TFG: variants seen among roughly 807,000 people sequenced by gnomAD.
TFG encodes protein TFG.
TFG carries 22 observed loss-of-function variants against 51.4 expected under a neutral mutation model. That is an observed-to-expected ratio of 0.43 (90% CI 0.31 to 0.61). The LOEUF (loss-of-function observed/expected upper bound fraction) is 0.61, where lower values mean the gene tolerates loss of function less well. Ranked by LOEUF, TFG falls within the 20% of genes least tolerant of loss-of-function variation. The probability of loss-of-function intolerance (pLI) is 0.12; values close to 1 mark genes in which losing one functional copy is unlikely to be tolerated. For synonymous variants in TFG, 187 were observed against 165.6 expected, an observed-to-expected ratio of 1.13 and a Z score of -0.99; for missense variants, 419 against 487.7, an observed-to-expected ratio of 0.86 and a Z score of 1.33.
rs200195571 is a variant in TFG, at chr3:100,713,847, A to C, written c.162A>C (p.Val54=). ...GAAAACTTCTGAGTAATGATGAAGTAACAATAAAGTATAAAGATGAAGGTA... is the reference window on the plus strand; with the variant it reads ...GAAAACTTCTGAGTAATGATGAAGTCACAATAAAGTATAAAGATGAAGGTA... ...FRGKLLSNDE[V]TIKYKDEDGD... The change falls in exon 2 of 8, where the codon GTA becomes GTC. Residue 54 remains valine, a synonymous_variant. Coordinates refer to ENST00000240851, the MANE Select transcript of TFG (RefSeq NM_006070.6). 16 of 1,567,300 alleles carry C rather than the reference A, an allele frequency of 1.0e-5. No homozygotes were observed. The East Asian group carries it at 3.6e-4, about 36-fold the overall frequency.
intron 2 of TFG, among the ~76,000 whole-genome samples, chr3:100,716,567 C>T (rs895129140): frequency 7.2e-5 from 11 of 152,120 alleles, no homozygotes; most frequent in African/African-American, 2.2e-4. Context: ...GTAGTGGCAT[C>T]GCTGAATTGT....
chr3:100,726,691 T>C (rs895301675), intron 3 of TFG, among the ~76,000 whole-genome samples: 1 of 152,100 alleles, frequency 6.6e-6, no homozygotes, highest in African/African-American at 2.4e-5. Flanking sequence ...TTGAATGAAG[T>C]TGGGTTTACT....
chr3:100,733,965 T>C lies in TFG; in HGVS notation c.580+1293T>C, dbSNP rs944511811. Among the ~76,000 whole-genome samples the C allele has an allele frequency of 8.5e-5, 13 of 152,294 alleles. No homozygotes were observed. The East Asian group carries it at 2.5e-3, about 29-fold the overall frequency. Reference sequence around the variant, plus strand: ...ATATATAATTGTTTTGAAATAATTATTGTTGGCTACAAAGATCATTAGCAA... The same window carrying C: ...ATATATAATTGTTTTGAAATAATTACTGTTGGCTACAAAGATCATTAGCAA... On this transcript the variant is annotated intron_variant, in intron 5 of 7. Transcript: ENST00000240851.
At position 100,713,827 on chromosome 3, in the gene TFG, C is replaced by A. The variant is rs762247551; in HGVS notation, c.142C>A (p.Leu48Ile). Residue 48 changes from leucine (L) to isoleucine (I), a missense_variant, in exon 2 of 8, where the codon CTT becomes ATT. Leu to Ile is a conservative substitution (Grantham distance 5). Transcript: ENST00000240851. Reference sequence around the variant, plus strand: ...GATGCAACGAGTTTTCAGAGGAAAACTTCTGAGTAATGATGAAGTAACAAT... The same window carrying A: ...GATGCAACGAGTTTTCAGAGGAAAAATTCTGAGTAATGATGAAGTAACAAT... Reference protein sequence around the residue: ...LMMQRVFRGKLLSNDEVTIKY... With the variant: ...LMMQRVFRGKILSNDEVTIKY... 6 of 1,576,760 alleles carry A rather than the reference C, an allele frequency of 3.8e-6. No individual in the cohort carries two copies. The highest frequency in any genetic ancestry group is 2.3e-5 in the East Asian group (1 of 43,908).
Position 100,722,769 on chromosome 3 carries a change from C to A in TFG, c.268+2711C>A, listed in dbSNP as rs528484969. On this transcript the variant is annotated intron_variant, in intron 3 of 7. Coordinates refer to ENST00000240851, the MANE Select transcript of TFG (RefSeq NM_006070.6). The stretch of plus-strand genomic sequence containing the variant: ...ATAACTAGAAAAGTAGCATCCTATA[C>A]TCCACTAAATTTCACGAATGAGGAG... Among the ~76,000 whole-genome samples, 94 of 152,304 alleles carry A rather than the reference C, an allele frequency of 6.2e-4. 1 individual carries two copies. The highest frequency in any genetic ancestry group is 2.1e-3 in the African/African-American group (88 of 41,560).
In TFG at chr3:100,748,256, C is replaced by A; in HGVS notation, c.928C>A (p.Gln310Lys). Residue 310 changes from glutamine to lysine, a missense_variant, in exon 8 of 8, where the codon CAA becomes AAA. Gln to Lys is a moderately conservative substitution (Grantham distance 53). This residue lies in a region of TFG where 391 missense variants were observed against 434.4 expected (regional missense o/e 0.90). Transcript: ENST00000240851. ...PAPAFSGQPQ[Q>K]LPAQPPQQYQ... ...TCCTGCCTTTTCTGGTCAGCCTCAA[C>A]AACTGCCTGCTCAGCCGCCACAGCA... is the stretch of plus-strand genomic sequence containing the variant. The A allele has an allele frequency of 6.2e-7, 1 of 1,614,142 alleles. No homozygotes were observed.
In TFG at chr3:100,748,542, C is replaced by G. The variant is rs1451476575; in HGVS notation, c.*11C>G. On this transcript the variant is annotated 3_prime_UTR_variant, in exon 8 of 8. Coordinates refer to ENST00000240851, the MANE Select transcript of TFG (RefSeq NM_006070.6). ...CCTGGTTATCGATAAGGAGGCTCCT[C>G]TACACCAATTAATGTAGCTGCTAGC... 1.3e-6 allele frequency: 2 copies of G among 1,595,004 alleles called. No individual in the cohort carries two copies. Among genetic ancestry groups the G allele is most frequent in the Non-Finnish European group, 1.7e-6 (2 of 1,167,778 alleles).
At chr3:100,736,238 A>T (rs2095105802) in intron 5 of TFG, among the ~76,000 whole-genome samples, 1 of 152,128 alleles carries the variant, frequency 6.6e-6, no homozygotes. Flanking sequence ...CCCCTTGAAG[A>T]ATGAAGTGAC....
chr3:100,716,273 T>C (rs2095046221), intron 2 of TFG, among the ~76,000 whole-genome samples: 1 of 152,214 alleles, frequency 6.6e-6, no homozygotes, highest in Non-Finnish European at 1.5e-5. Context: ...TTGTATAAGA[T>C]CAACTTTTTT....
At chr3:100,731,521 C>T (rs1460410067) in intron 4 of TFG, among the ~76,000 whole-genome samples, 1 of 152,038 alleles carries the variant, frequency 6.6e-6, no homozygotes, top group Non-Finnish European at 1.5e-5. Flanking sequence ...TATAATGAAT[C>T]CCAGAAACCC....
chr3:100,721,950 C>T (rs1050553165), intron 3 of TFG, among the ~76,000 whole-genome samples: 10 of 152,150 alleles, frequency 6.6e-5, no homozygotes, highest in African/African-American at 2.4e-5. Flanking sequence ...CAGGAGTTCG[C>T]GACCAGCCTG....
At chr3:100,726,258 C>T (rs1033820485) in intron 3 of TFG, among the ~76,000 whole-genome samples, 2 of 152,170 alleles carry the variant, frequency 1.3e-5, no homozygotes, top group African/African-American at 2.4e-5. Context: ...GGAGGGAGAG[C>T]GAGCTAAAGA....
intron 3 of TFG, among the ~76,000 whole-genome samples, chr3:100,721,197 A>T (rs1346879228): frequency 3.3e-5 from 5 of 152,226 alleles, no homozygotes; most frequent in Non-Finnish European, 7.3e-5. Flanking sequence ...TTTAAACAGG[A>T]TCTGCTAGAT....
chr3:100,728,595 A>G (rs1337694206), intron 3 of TFG, 117 bp from the exon 4 acceptor site: 2 of 820,890 alleles, frequency 2.4e-6, no homozygotes, highest in East Asian at 6.1e-5. Flanking sequence ...ACTCCATTAC[A>G]TTGATATCTT....
chr3:100,712,723 T>C (rs2095034531), intron 1 of TFG, among the ~76,000 whole-genome samples: 1 of 152,236 alleles, frequency 6.6e-6, no homozygotes, highest in South Asian at 2.1e-4. Flanking sequence ...TAAAATGTTA[T>C]AAATTTTTAA....
At chr3:100,734,229 C>T (rs1400445243) in intron 5 of TFG, among the ~76,000 whole-genome samples, 1 of 152,026 alleles carries the variant, frequency 6.6e-6, no homozygotes, top group Non-Finnish European at 1.5e-5. Context: ...TTCACATACT[C>T]AAAACTGCTC....
chr3:100,743,625 A>G (rs1375165856), intron 6 of TFG: 1 of 152,054 alleles, frequency 6.6e-6, no homozygotes, highest in Non-Finnish European at 1.5e-5. Flanking sequence ...AACATTTGCT[A>G]GGAAATAAGC....
intron 1 of TFG, among the ~76,000 whole-genome samples, chr3:100,712,918 G>C (rs1231840270): frequency 6.6e-6 from 1 of 152,220 alleles, no homozygotes; most frequent in African/African-American, 2.4e-5. Context: ...TATGGGAATA[G>C]CAGGGGTGAG....
chr3:100,734,866 T>G (rs2095102241), intron 5 of TFG, among the ~76,000 whole-genome samples: 1 of 152,220 alleles, frequency 6.6e-6, no homozygotes, highest in Admixed American at 6.5e-5. Flanking sequence ...TCTCACAGCT[T>G]TGTATGTTGA....
Sources: gnomAD v4.1 joint callset for allele counts (sites outside exome capture counted in the v4.1 genomes callset) on GRCh38, gnomAD v4.1.1 for gene constraint, gnomAD v4.1.1 regional missense constraint, MANE v1.5 for transcripts, NCBI Gene and HGNC (gene_info 2026-07-23, HGNC 2026-07-21) for gene names.